Variants in PCDHGA3 observed in about 807,000 individuals in gnomAD.
PCDHGA3 encodes the protein protocadherin gamma subfamily A, 3, also known as protocadherin gamma-A3.
PCDHGA3 carries 40 observed loss-of-function variants against 58.5 expected under a neutral mutation model. The observed-to-expected ratio is 0.68, with a 90% CI of 0.53 to 0.89. The LOEUF (loss-of-function observed/expected upper bound fraction) is 0.89, where lower values mean the gene tolerates loss of function less well. Ranked by LOEUF, PCDHGA3 falls within the 40% of genes least tolerant of loss-of-function variation. The pLI is 0.00. For synonymous variants in PCDHGA3, 530 were observed against 525.7 expected, an observed-to-expected ratio of 1.01 and a Z score of -0.11; for missense variants, 1,223 against 1,195.9, an observed-to-expected ratio of 1.02 and a Z score of -0.33.
At chr5:141,423,250 G>T in intron 1 of PCDHGA3, 1 of 1,613,954 alleles carries the variant, frequency 6.2e-7, no homozygotes, top group Non-Finnish European at 8.5e-7. Context: ...AGTCCTGGCG[G>T]ACCTCGGCAG....
At chr5:141,423,415 G>A (rs779262475) in intron 1 of PCDHGA3, 103 of 1,614,016 alleles carry the variant, frequency 6.4e-5, no homozygotes, top group African/African-American at 1.2e-4. Context: ...GCAGGCTTCT[G>A]AAGGCGGGTT....
chr5:141,408,839 A>T (rs1296339131), intron 1 of PCDHGA3: 24 of 1,613,642 alleles, frequency 1.5e-5, no homozygotes, highest in Non-Finnish European at 2.0e-5. Context: ...CTTGATATTG[A>T]CTGCCTTGGA....
At position 141,476,813 on chromosome 5, in the gene PCDHGA3, A is replaced by G. The variant is rs749333814; in HGVS notation, c.2425-17994A>G. The G allele has an allele frequency of 6.8e-6, 11 of 1,613,548 alleles. No individual in the cohort carries two copies. Among genetic ancestry groups the G allele is most frequent in the Non-Finnish European group, 9.3e-6 (11 of 1,180,022 alleles). On this transcript the variant is annotated intron_variant, in intron 1 of 3. Transcript: ENST00000253812. The surrounding 1 kb of genome is among the most constrained non-coding windows in gnomAD (Gnocchi z 7.6). ...CTCCGCCAGCCTGCCTATTCACATC[A>G]AGGTGCTGGACGCGAATGACAATGC...
At position 141,491,539 on chromosome 5, in the gene PCDHGA3, A is replaced by G; in HGVS notation, c.2425-3268A>G. ...GTACATGGAGGTGACGCTGCGGCCC[A>G]CAGACTCGCAGAGCCACTGCTACAG... On this transcript the variant is annotated intron_variant, in intron 1 of 3. Coordinates refer to ENST00000253812, the MANE Select transcript of PCDHGA3 (RefSeq NM_018916.4). This position sits in a 1 kb window ranked among gnomAD's most constrained non-coding sequence, Gnocchi z 6.9. The G allele has an allele frequency of 6.2e-7, 1 of 1,613,968 alleles. No homozygotes were observed. The highest frequency in any genetic ancestry group is 1.1e-5 in the South Asian group (1 of 91,074).
Position 141,489,341 on chromosome 5 carries a change from CAGT to C in PCDHGA3, c.2425-5465_2425-5463del. The stretch of plus-strand genomic sequence containing the variant: ...TGGGTGTCTGGGCAGCTTCGTTACT[CAGT>C]GGTGGAGGAGTCTGAGCCGGGGACG... On this transcript the variant is annotated intron_variant, in intron 1 of 3. Coordinates refer to ENST00000253812, the MANE Select transcript of PCDHGA3 (RefSeq NM_018916.4). This position sits in a 1 kb window ranked among gnomAD's most constrained non-coding sequence, Gnocchi z 4.5. The C allele has an allele frequency of 6.2e-7, 1 of 1,609,088 alleles. No homozygotes were observed. Among genetic ancestry groups the C allele is most frequent in the Non-Finnish European group, 8.5e-7 (1 of 1,176,770 alleles).
At chr5:141,413,631 G>A in intron 1 of PCDHGA3, 4 of 1,613,750 alleles carry the variant, frequency 2.5e-6, no homozygotes, top group Admixed American at 1.7e-5. Context: ...ATGTCGCTGC[G>A]GGAATGCGTT....
Position 141,362,248 on chromosome 5 carries a change from C to T in PCDHGA3, c.2424+15791C>T, listed in dbSNP as rs1019484860. ...GGCCTTGATCTCAGTGCTCTTCTTC[C>T]TCGCGGTGATTCTGGCAATCTCCCT... On this transcript the variant is annotated intron_variant, in intron 1 of 3. Transcript: ENST00000253812. 6.8e-6 allele frequency: 11 copies of T among 1,613,922 alleles called. No homozygotes were observed. The Admixed American group carries it at 1.3e-4, about 20-fold the overall frequency.
At chr5:141,433,646 A>G (rs2097639113) in intron 1 of PCDHGA3, among the ~76,000 whole-genome samples, 1 of 152,012 alleles carries the variant, frequency 6.6e-6, no homozygotes, top group Non-Finnish European at 1.5e-5. Flanking sequence ...GACCAGCCTG[A>G]CCAACATGGA....
intron 1 of PCDHGA3, chr5:141,441,396 C>T (rs2098244328): frequency 6.5e-6 from 1 of 154,724 alleles, no homozygotes; most frequent in Admixed American, 6.5e-5. Flanking sequence ...GGTATAACAT[C>T]AGCATCACTG....
At chr5:141,414,699 C>T (rs2095778847) in intron 1 of PCDHGA3, 2 of 1,613,952 alleles carry the variant, frequency 1.2e-6, no homozygotes, top group Non-Finnish European at 1.7e-6. Context: ...TGTCCTCATA[C>T]ATATCCATCA....
In PCDHGA3 at chr5:141,485,569, T is replaced by C; in HGVS notation, c.2425-9238T>C. The C allele has an allele frequency of 6.2e-7, 1 of 1,612,664 alleles. No individual in the cohort carries two copies. Among genetic ancestry groups the C allele is most frequent in the Non-Finnish European group, 8.5e-7 (1 of 1,178,890 alleles). ...TAGATGTGAATGATCACGCCCCCCG[T>C]TTTCCGCGGCAGCAGCTGGACTTGG... On this transcript the variant is annotated intron_variant, in intron 1 of 3. Coordinates refer to ENST00000253812, the MANE Select transcript of PCDHGA3 (RefSeq NM_018916.4). This position sits in a 1 kb window ranked among gnomAD's most constrained non-coding sequence, Gnocchi z 5.7.
At chr5:141,353,235 G>A (rs371091053) in intron 1 of PCDHGA3, among the ~76,000 whole-genome samples, 10 of 152,116 alleles carry the variant, frequency 6.6e-5, no homozygotes, top group African/African-American at 2.2e-4. Flanking sequence ...CTTAGTAATA[G>A]CAGTGCCTTT....
chr5:141,399,519 G>A (rs1467117930), intron 1 of PCDHGA3: 2 of 1,614,036 alleles, frequency 1.2e-6, no homozygotes, highest in Non-Finnish European at 1.7e-6. Context: ...ACCCTCCTGG[G>A]GCCTCCATCG....
chr5:141,369,965 TA>T (rs2149954345), intron 1 of PCDHGA3, among the ~76,000 whole-genome samples: 1 of 152,346 alleles, frequency 6.6e-6, no homozygotes, highest in African/African-American at 2.4e-5. Flanking sequence ...CTTTGACAAG[TA>T]AAAGGTACTT....
At position 141,389,882 on chromosome 5, in the gene PCDHGA3, G is replaced by T. The variant is rs761230157; in HGVS notation, c.2424+43425G>T. On this transcript the variant is annotated intron_variant, in intron 1 of 3. Transcript: ENST00000253812. ...TGCACCTGGTCTTCGCCGACAGCTT[G>T]CAGGAGGTGCTGCCGGATATCACTG... 1.1e-5 allele frequency: 18 copies of T among 1,614,082 alleles called. No homozygotes were observed. The South Asian group carries it at 1.9e-4, about 17-fold the overall frequency.
At position 141,345,429 on chromosome 5, in the gene PCDHGA3, C is replaced by T. The variant is rs1186649548; in HGVS notation, c.1396C>T (p.Pro466Ser). The T allele has an allele frequency of 1.1e-5, 17 of 1,613,922 alleles. No individual in the cohort carries two copies. Reference sequence around the variant, plus strand: ...CTCCGCCTACATTCCAGAAAACAACCCCAGAGGAGCCTCCATCTTCTCAGT... The same window carrying T: ...CTCCGCCTACATTCCAGAAAACAACTCCAGAGGAGCCTCCATCTTCTCAGT... Reference protein sequence around the residue: ...SYSAYIPENNPRGASIFSVTA... With the variant: ...SYSAYIPENNSRGASIFSVTA... The change falls in exon 1 of 4, where the codon CCC (proline) becomes TCC (serine). Residue 466 changes from proline to serine, a missense_variant. This residue lies in a region of PCDHGA3 where 791 missense variants were observed against 708.5 expected (regional missense o/e 1.12). Coordinates refer to ENST00000253812, the MANE Select transcript of PCDHGA3 (RefSeq NM_018916.4).
intron 1 of PCDHGA3, chr5:141,389,562 G>T (rs1561626191): frequency 1.2e-6 from 2 of 1,613,284 alleles, no homozygotes; most frequent in Non-Finnish European, 1.7e-6. Context: ...TGCGCCACGG[G>T]TGCTGTACCC....
intron 1 of PCDHGA3, among the ~76,000 whole-genome samples, chr5:141,434,452 G>T (rs2097695209): frequency 6.6e-6 from 1 of 152,334 alleles, no homozygotes; most frequent in African/African-American, 2.4e-5. Flanking sequence ...CTGGAAGGTA[G>T]TGGGTTTACC....
At chr5:141,393,230 A>G (rs2092708331) in intron 1 of PCDHGA3, 1 of 1,613,764 alleles carries the variant, frequency 6.2e-7, no homozygotes, top group Non-Finnish European at 8.5e-7. Context: ...AAGATCTAGA[A>G]GTAAAAATTA....
Sources: allele counts gnomAD v4.1 joint callset (sites outside exome capture counted in the v4.1 genomes callset), GRCh38; gene constraint gnomAD v4.1.1; regional missense constraint gnomAD v4.1.1; non-coding constraint Gnocchi (gnomAD v3.1); transcripts MANE v1.5; gene names NCBI Gene and HGNC (gene_info 2026-07-23, HGNC 2026-07-21).